DOP1B: variants seen among roughly 807,000 people sequenced by gnomAD.
DOP1B encodes DOP1 leucine zipper like protein B, also known as protein DOP1B.
A neutral mutation model predicts 233.5 loss-of-function variants in DOP1B; 174 were observed. That is an observed-to-expected ratio of 0.75 (90% confidence interval 0.66 to 0.85). The LOEUF is 0.85. Among genes scored for constraint, DOP1B ranks in the 40% least tolerant of loss-of-function variants. The probability of loss-of-function intolerance (pLI) is 0.00; values close to 1 mark genes in which losing one functional copy is unlikely to be tolerated. For synonymous variants in DOP1B, 1,190 were observed against 1,185.6 expected (o/e 1.00, Z -0.08); for missense variants, 2,652 against 2,846.6 (o/e 0.93, Z 1.56).
Position 36,230,537 on chromosome 21 carries a change from A to G in DOP1B, c.1753A>G (p.Lys585Glu). The G allele has an allele frequency of 6.2e-7, 1 of 1,614,212 alleles. No homozygotes were observed. The highest frequency in any genetic ancestry group is 8.5e-7 in the Non-Finnish European group (1 of 1,180,020). The change falls in exon 14 of 37, where the codon AAG (lysine) becomes GAG (glutamate). Residue 585 changes from lysine to glutamate, a missense_variant. Lys to Glu is a moderately conservative substitution (Grantham distance 56, BLOSUM62 1). This residue lies in a region of DOP1B where 2,617 missense variants were observed against 2,794.3 expected (regional missense o/e 0.94). Coordinates refer to ENST00000691173, the MANE Select transcript of DOP1B (RefSeq NM_001320714.2). The part of the protein sequence containing the change: ...GDEDASFPPL[K>E]SEDSGIGLSA... ...CGAAGATGCTTCGTTTCCCCCTCTG[A>G]AGTCTGAGGACAGTGGGATCGGGCT...
In DOP1B at chr21:36,280,329, T is replaced by C; in HGVS notation, c.6014T>C (p.Met2005Thr). 6.2e-7 allele frequency: 1 copy of C among 1,609,716 alleles called. No individual in the cohort carries two copies. Among genetic ancestry groups the C allele is most frequent in the African/African-American group, 1.3e-5 (1 of 74,930 alleles). ...CATCTTTTGACTCATGAGAAAACAATGTTTAAGGATTTAATGAGTAAGTTC... is the reference window on the plus strand; with the variant it reads ...CATCTTTTGACTCATGAGAAAACAACGTTTAAGGATTTAATGAGTAAGTTC... ...IDHLLTHEKT[M>T]FKDLMNMQSS... is the part of the protein sequence containing the mutation. The change falls in exon 31 of 37, where the codon ATG (methionine) becomes ACG (threonine). Residue 2005 changes from methionine to threonine, a missense_variant. Transcript: ENST00000691173.
rs141165152 is a variant in DOP1B at position 36,161,077 on chromosome 21, G to A, written c.-26-3631G>A. Among the ~76,000 whole-genome samples, 485 of 152,180 alleles carry A rather than the reference G, an allele frequency of 3.2e-3. 2 individuals carry two copies. The highest frequency in any genetic ancestry group is 5.5e-3 in the Non-Finnish European group (372 of 68,018). ...GGTAAAGGGGCTACTTTCTGAGAAG[G>A]AAAAGATGGGAGAAGGAGCATGTTG... On this transcript the variant is annotated intron_variant, in intron 1 of 36. Coordinates refer to ENST00000691173, the MANE Select transcript of DOP1B (RefSeq NM_001320714.2).
At chr21:36,277,356 C>T (rs916491635) in intron 28 of DOP1B, among the ~76,000 whole-genome samples, 2 of 151,996 alleles carry the variant, frequency 1.3e-5, no homozygotes, top group Non-Finnish European at 2.9e-5. Context: ...GATCTCAGCT[C>T]ACTGCAACCT....
intron 35 of DOP1B, 56 bp downstream of exon 35, chr21:36,289,262 T>C (rs2067527461): frequency 2.6e-6 from 4 of 1,558,948 alleles, no homozygotes; most frequent in African/African-American, 1.4e-5. Flanking sequence ...GTTTTTTCCT[T>C]TTAAGCACTT....
intron 2 of DOP1B, among the ~76,000 whole-genome samples, chr21:36,190,762 G>A (rs1047126525): frequency 3.9e-5 from 6 of 152,226 alleles, no homozygotes; most frequent in African/African-American, 7.2e-5. Flanking sequence ...CATATGATAC[G>A]TATATTAAGC....
intron 7 of DOP1B, among the ~76,000 whole-genome samples, chr21:36,213,360 TC>T (rs1376545748): frequency 6.6e-6 from 1 of 152,130 alleles, no homozygotes; most frequent in Non-Finnish European, 1.5e-5. Flanking sequence ...AGCCCCATAT[TC>T]TTTGCCCATA....
At chr21:36,204,312 C>T (rs1345485348) in intron 4 of DOP1B, among the ~76,000 whole-genome samples, 1 of 152,172 alleles carries the variant, frequency 6.6e-6, no homozygotes, top group Non-Finnish European at 1.5e-5. Flanking sequence ...CATTTCTTTT[C>T]TTTTGGAGCT....
At chr21:36,158,868 C>G (rs1431786594) in intron 1 of DOP1B, among the ~76,000 whole-genome samples, 1 of 151,726 alleles carries the variant, frequency 6.6e-6, no homozygotes, top group South Asian at 2.1e-4. Flanking sequence ...TGGCTCATGC[C>G]TGTAATCCCA....
In DOP1B at chr21:36,164,737, G is replaced by A; in HGVS notation, c.4G>A (p.Asp2Asn). ...TTTTCTGCTGTGAGAATGTAAGATG[G>A]ATCCAGAAGAGCAGGAGCTCTTAAA... Reference protein sequence around the residue: MDPEEQELLNDY... With the variant: MNPEEQELLNDY... Residue 2 changes from aspartate to asparagine, a missense_variant, in exon 2 of 37, where the codon GAT becomes AAT. Physicochemically the swap from Asp to Asn is conservative, Grantham distance 23. This residue lies in a region of DOP1B where 2,617 missense variants were observed against 2,794.3 expected (regional missense o/e 0.94). Coordinates refer to ENST00000691173, the MANE Select transcript of DOP1B (RefSeq NM_001320714.2). 1 of 1,587,196 alleles carries A rather than the reference G, an allele frequency of 6.3e-7. No homozygotes were observed. The highest frequency in any genetic ancestry group is 8.5e-7 in the Non-Finnish European group (1 of 1,170,278).
chr21:36,228,823 T>A (rs1342439889), intron 13 of DOP1B, among the ~76,000 whole-genome samples: 3 of 137,204 alleles, frequency 2.2e-5, no homozygotes, highest in Non-Finnish European at 4.8e-5. Context: ...TAAAATAAAA[T>A]AAAAAGGCAT....
chr21:36,239,611 C>A (rs184657085), intron 17 of DOP1B, among the ~76,000 whole-genome samples, 154 bp from the exon 18 acceptor site: 99 of 152,258 alleles, frequency 6.5e-4, no homozygotes, highest in Non-Finnish European at 1.1e-3. Context: ...AAGTTGAGTC[C>A]CCATTGTGCT....
intron 23 of DOP1B, among the ~76,000 whole-genome samples, chr21:36,258,567 C>G (rs1029767208): frequency 6.6e-6 from 1 of 152,138 alleles, no homozygotes; most frequent in African/African-American, 2.4e-5. Context: ...TTTTCAGCCT[C>G]ACATATGACA....
At chr21:36,248,818 G>A (rs1455011846) in intron 21 of DOP1B, among the ~76,000 whole-genome samples, 1 of 152,120 alleles carries the variant, frequency 6.6e-6, no homozygotes, top group Non-Finnish European at 1.5e-5. Flanking sequence ...TAAAAATAAA[G>A]TCTTGGCCGG....
At chr21:36,171,477 G>A (rs552226208) in intron 2 of DOP1B, among the ~76,000 whole-genome samples, 5 of 152,278 alleles carry the variant, frequency 3.3e-5, no homozygotes, top group Admixed American at 3.3e-4. Context: ...CGAGCTAGAG[G>A]AGGTCATTAG....
At position 36,261,781 on chromosome 21, in the gene DOP1B, C is replaced by T. The variant is rs1484864325; in HGVS notation, c.5315+1049C>T. The T allele has an allele frequency of 1.0e-5, 6 of 577,946 alleles. No individual in the cohort carries two copies. The East Asian group carries it at 8.7e-4, about 84-fold the overall frequency. 35.8% of individuals were successfully genotyped at this position (577,946 alleles called of 1,614,324 possible). ...AAAATTAGCCAGGGCTTGGTGGCAG[C>T]ATGCCTGTAGTCCCAGCTACTCGGG... On this transcript the variant is annotated intron_variant, in intron 24 of 36. Transcript: ENST00000691173.
intron 16 of DOP1B, 50 bp from the exon 17 acceptor site, chr21:36,238,551 T>C: frequency 1.3e-6 from 2 of 1,490,318 alleles, no homozygotes; most frequent in South Asian, 1.1e-5. Context: ...CTGAAGACAG[T>C]GGTCAGTTAC....
At chr21:36,263,237 C>CA (rs34161973) in intron 24 of DOP1B, among the ~76,000 whole-genome samples, 31,169 of 102,820 alleles carry the variant, frequency 0.3, 4,746 homozygotes, top group Admixed American at 0.36. Flanking sequence ...TCCGTCTCAC[C>CA]AAAAAAAAAA....
chr21:36,265,764 A>T (rs1208395183), intron 26 of DOP1B, among the ~76,000 whole-genome samples: 1 of 152,094 alleles, frequency 6.6e-6, no homozygotes, highest in African/African-American at 2.4e-5. Context: ...TTTGAGCGAC[A>T]CCCTATGCTT....
intron 18 of DOP1B, 31 bp downstream of exon 18, chr21:36,239,986 G>A: frequency 6.3e-7 from 1 of 1,581,536 alleles, no homozygotes; most frequent in Non-Finnish European, 8.6e-7. Context: ...CCGAGGGTGA[G>A]GGAGGAATGG....
Sources: gnomAD v4.1 joint callset for allele counts (sites outside exome capture counted in the v4.1 genomes callset) on GRCh38, gnomAD v4.1.1 for gene constraint, gnomAD v4.1.1 regional missense constraint, MANE v1.5 for transcripts, NCBI Gene and HGNC (gene_info 2026-07-23, HGNC 2026-07-21) for gene names.